Variants in CYP2S1 observed in about 807,000 individuals in gnomAD.
The protein encoded by CYP2S1 is cytochrome P450 2S1.
Under a neutral mutation model 43.5 loss-of-function variants are expected in CYP2S1, and 32 were observed. The ratio of observed to expected loss-of-function variants is 0.74; its 90% CI spans 0.56 to 0.99. CYP2S1 has a LOEUF of 0.99. CYP2S1 is among the 50% of genes least tolerant of loss of function. The pLI is 0.00. For missense variants in CYP2S1, 575 were observed against 673.9 expected, an observed-to-expected ratio of 0.85 and a Z score of 1.62; for synonymous variants, 283 against 302.9, an observed-to-expected ratio of 0.93 and a Z score of 0.68.
chr19:41,205,392 CTT>C (rs199626923), intron 7 of CYP2S1, among the ~76,000 whole-genome samples: 44 of 67,998 alleles, frequency 6.5e-4, no homozygotes, highest in African/African-American at 1.3e-3. Flanking sequence ...CTCTCTCTCT[CTT>C]TCTTTCTCTC....
Position 41,194,619 on chromosome 19 carries a change from G to A in CYP2S1, c.253G>A (p.Glu85Lys). 6.2e-7 allele frequency: 1 copy of A among 1,612,406 alleles called. No homozygotes were observed. Among genetic ancestry groups the A allele is most frequent in the Non-Finnish European group, 8.5e-7 (1 of 1,179,290 alleles). ...GCCTGTGGTGGTCCTGGTTGGGCAG[G>A]AGGCTGTGCGGGAGGCCCTGGGAGG... Reference protein sequence around the residue: ...WRPVVVLVGQEAVREALGGQA... With the variant: ...WRPVVVLVGQKAVREALGGQA... Residue 85 changes from glutamate (E) to lysine (K), a missense_variant, in exon 2 of 9, where the codon GAG (glutamate) becomes AAG (lysine). Glu to Lys is a moderately conservative substitution (Grantham distance 56). Coordinates refer to ENST00000310054, the MANE Select transcript of CYP2S1 (RefSeq NM_030622.8).
At position 41,198,406 on chromosome 19, in the gene CYP2S1, T is replaced by A; in HGVS notation, c.494-56T>A. ...TCTCTGGTTGGGTTCAGCTCCAACC[T>A]GCTCCCCTCTGCCTGGCTCCATCAC... On this transcript the variant is annotated intron_variant, in intron 3 of 8. Transcript: ENST00000310054. This position sits in a 1 kb window ranked among gnomAD's most constrained non-coding sequence, Gnocchi z 4.9. 6.3e-7 allele frequency: 1 copy of A among 1,598,292 alleles called. No homozygotes were observed. The highest frequency in any genetic ancestry group is 8.5e-7 in the Non-Finnish European group (1 of 1,172,856).
chr19:41,204,375 C>G (rs910860079), intron 7 of CYP2S1, among the ~76,000 whole-genome samples: 2 of 150,744 alleles, frequency 1.3e-5, no homozygotes, highest in Non-Finnish European at 3.0e-5. Flanking sequence ...ACCCTTAGCC[C>G]CTGCTGCAGA....
At chr19:41,194,765 G>A (rs1203753636) in intron 2 of CYP2S1, 56 bp downstream of exon 2, 3 of 1,571,674 alleles carry the variant, frequency 1.9e-6, no homozygotes, top group South Asian at 1.2e-5. Flanking sequence ...TTACTGGTGT[G>A]TGACCTTTGC....
chr19:41,197,758 T>C, intron 2 of CYP2S1, 21 bp from the exon 3 acceptor site: 1 of 1,612,284 alleles, frequency 6.2e-7, no homozygotes, highest in Non-Finnish European at 8.5e-7. Flanking sequence ...GGTCCCTTTT[T>C]GAGTCTAGCC....
rs1439183027 is a variant in CYP2S1, at chr19:41,198,514, C to T, written c.546C>T (p.Val182=). 4.3e-6 allele frequency: 7 copies of T among 1,614,192 alleles called. No homozygotes were observed. The highest frequency in any genetic ancestry group is 5.9e-6 in the Non-Finnish European group (7 of 1,180,022). ...TGGCCCAGGCCACCTCCAACGTAGT[C>T]TGCTCCCTCCTCTTTGGCCTCCGCT... ...LLLAQATSNV[V]CSLLFGLRFS... is the part of the protein sequence containing the mutation. The change falls in exon 4 of 9, where the codon GTC becomes GTT. Residue 182 remains valine, a synonymous_variant. Transcript: ENST00000310054. The surrounding 1 kb of genome is among the most constrained non-coding windows in gnomAD (Gnocchi z 4.9).
chr19:41,201,775 A>T (rs2033492780), intron 6 of CYP2S1, among the ~76,000 whole-genome samples: 1 of 151,574 alleles, frequency 6.6e-6, no homozygotes, highest in Admixed American at 6.6e-5. Context: ...TAGATCTTTG[A>T]GGCATCGATG....
In CYP2S1 at chr19:41,193,277, G is replaced by A. The variant is rs202041018; in HGVS notation, c.13G>A (p.Gly5Ser). 746 of 1,540,424 alleles carry A rather than the reference G, an allele frequency of 4.8e-4. 1 individual carries two copies. The highest frequency in any genetic ancestry group is 5.9e-4 in the Non-Finnish European group (679 of 1,145,802). The change falls in exon 1 of 9, where the codon GGC (glycine) becomes AGC (serine). Residue 5 changes from glycine to serine, a missense_variant. Gly to Ser is a moderately conservative substitution (Grantham distance 56). Coordinates refer to ENST00000310054, the MANE Select transcript of CYP2S1 (RefSeq NM_030622.8). MEAT[G>S]TWALLLALAL... ...CCGACCTGCCGAGATGGAGGCGACCGGCACCTGGGCGCTGCTGCTGGCGCT... is the reference window on the plus strand; with the variant it reads ...CCGACCTGCCGAGATGGAGGCGACCAGCACCTGGGCGCTGCTGCTGGCGCT...
At chr19:41,205,833 A>G in intron 7 of CYP2S1, 125 bp from the exon 8 acceptor site, 1 of 1,279,884 alleles carries the variant, frequency 7.8e-7, no homozygotes, top group Non-Finnish European at 1.1e-6. Flanking sequence ...AACACTCCAC[A>G]AATGTTGATG....
rs1379450343 is a variant in CYP2S1 at position 41,205,895 on chromosome 19, A to T, written c.1165-63A>T. ...CTGGCACCCGAGACTTGTACTCCAC[A>T]CTCGAGGACCAAATGGACTGGGGTG... On this transcript the variant is annotated intron_variant, in intron 7 of 8. Coordinates refer to ENST00000310054, the MANE Select transcript of CYP2S1 (RefSeq NM_030622.8). 1.3e-5 allele frequency: 20 copies of T among 1,571,830 alleles called. No individual in the cohort carries two copies. In the East Asian group the frequency reaches 4.5e-4, roughly 35 times the overall value.
Position 41,200,530 on chromosome 19 carries a change from G to A in CYP2S1, c.835-701G>A, listed in dbSNP as rs147152201. 6.5e-3 allele frequency among the ~76,000 whole-genome samples: 992 copies of A among 152,096 alleles called. 10 individuals are homozygous for A. The highest frequency in any genetic ancestry group is 0.022 in the African/African-American group (909 of 41,488). ...TGGGACTACAGGTGCCCGTCACCAC[G>A]CCTGGCTAATTTTTTGTATTTTTAG... On this transcript the variant is annotated intron_variant, in intron 5 of 8. Transcript: ENST00000310054.
Position 41,198,078 on chromosome 19 carries a change from C to A in CYP2S1, c.493+150C>A. 8.9e-7 allele frequency: 1 copy of A among 1,128,346 alleles called. No homozygotes were observed. The highest frequency in any genetic ancestry group is 1.2e-6 in the Non-Finnish European group (1 of 818,048). 69.9% of individuals were successfully genotyped at this position (1,128,346 alleles called of 1,614,324 possible). On this transcript the variant is annotated intron_variant, in intron 3 of 8. Transcript: ENST00000310054. This position sits in a 1 kb window ranked among gnomAD's most constrained non-coding sequence, Gnocchi z 4.9. ...GCTGGCCTGGGGGTTCTGTTCACTG[C>A]CACCTTCTGTCTCTGTCCCACTGTC...
At position 41,205,402 on chromosome 19, in the gene CYP2S1, CTCTT is replaced by C. The variant is rs1277671808; in HGVS notation, c.1165-540_1165-537del. On this transcript the variant is annotated intron_variant, in intron 7 of 8. Transcript: ENST00000310054. The stretch of plus-strand genomic sequence containing the variant: ...TCTTTCTCTCTCTCTCTTTCTTTCT[CTCTT>C]TCTTTCTTTCTTTCTCTCTCTCTCT... Among the ~76,000 whole-genome samples, 333 of 100,094 alleles carry C rather than the reference CTCTT, an allele frequency of 3.3e-3. 1 individual carries two copies. The highest frequency in any genetic ancestry group is 8.2e-3 in the Middle Eastern group (2 of 244). 65.7% of individuals were successfully genotyped at this position (100,094 alleles called of 152,430 possible). A position where few individuals can be genotyped will look rare whatever the true frequency, so the allele number is the denominator to read the frequency against.
intron 2 of CYP2S1, among the ~76,000 whole-genome samples, chr19:41,196,107 G>A (rs2033410223): frequency 1.3e-5 from 2 of 152,068 alleles, no homozygotes; most frequent in African/African-American, 2.4e-5. Context: ...GGGAATCAGG[G>A]AAGGCTTCTC....
Position 41,201,265 on chromosome 19 carries a change from A to G in CYP2S1, c.869A>G (p.Lys290Arg), listed in dbSNP as rs1308406920. 3 of 1,614,208 alleles carry G rather than the reference A, an allele frequency of 1.9e-6. No individual in the cohort carries two copies. In the Admixed American group the frequency reaches 5.0e-5, roughly 27 times the overall value. ...AACCCAGGCACAGAATTCACCAACA[A>G]GAACATGCTGATGACAGTCATTTAT... Reference protein sequence around the residue: ...EQNPGTEFTNKNMLMTVIYLL... With the variant: ...EQNPGTEFTNRNMLMTVIYLL... Residue 290 changes from lysine (K) to arginine (R), a missense_variant, in exon 6 of 9, where the codon AAG becomes AGG. By Grantham distance (26) the Lys-to-Arg change is conservative. This residue lies in a region of CYP2S1 where 222 missense variants were observed against 306.3 expected (regional missense o/e 0.72). Coordinates refer to ENST00000310054, the MANE Select transcript of CYP2S1 (RefSeq NM_030622.8).
At chr19:41,202,930 G>A (rs923940457) in intron 6 of CYP2S1, among the ~76,000 whole-genome samples, 5 of 151,988 alleles carry the variant, frequency 3.3e-5, no homozygotes, top group African/African-American at 1.2e-4. Context: ...GTGAAACCCT[G>A]TCTCTATTGA....
intron 7 of CYP2S1, among the ~76,000 whole-genome samples, chr19:41,205,380 T>TC (rs2033555905): frequency 7.8e-6 from 1 of 127,660 alleles, no homozygotes; most frequent in Non-Finnish European, 1.8e-5. Flanking sequence ...CTTTCTTTCT[T>TC]TCTCTCTCTC....
Position 41,198,354 on chromosome 19 carries a change from A to T in CYP2S1, c.494-108A>T. 1 of 1,428,526 alleles carries T rather than the reference A, an allele frequency of 7.0e-7. No homozygotes were observed. Among genetic ancestry groups the T allele is most frequent in the Non-Finnish European group, 9.6e-7 (1 of 1,043,068 alleles). 88.5% of individuals were successfully genotyped at this position (1,428,526 alleles called of 1,614,324 possible). ...GTTTAGCTCTCTCCCTGCGCTGTCC[A>T]TCCATCTTTCCCTGCCTCCCTGTCT... On this transcript the variant is annotated intron_variant, in intron 3 of 8. Transcript: ENST00000310054. This position sits in a 1 kb window ranked among gnomAD's most constrained non-coding sequence, Gnocchi z 4.9.
chr19:41,198,481 C>T lies in CYP2S1; in HGVS notation c.513C>T (p.Ser171=), dbSNP rs145030044. 169 of 1,614,148 alleles carry T rather than the reference C, an allele frequency of 1.0e-4. 2 individuals are homozygous for T. The African/African-American group carries it at 2.0e-3, about 19-fold the overall frequency. ...CCCCAGGACGCCCATTCGATCCCTCCCTGCTGCTGGCCCAGGCCACCTCCA... is the reference window on the plus strand; with the variant it reads ...CCCCAGGACGCCCATTCGATCCCTCTCTGCTGCTGGCCCAGGCCACCTCCA... ...QGTEGRPFDP[S]LLLAQATSNV... Residue 171 remains serine, a synonymous_variant, in exon 4 of 9, where the codon TCC becomes TCT. Coordinates refer to ENST00000310054, the MANE Select transcript of CYP2S1 (RefSeq NM_030622.8). The surrounding 1 kb of genome is among the most constrained non-coding windows in gnomAD (Gnocchi z 4.9).
Sources: gnomAD v4.1 joint callset for allele counts (sites outside exome capture counted in the v4.1 genomes callset) on GRCh38, gnomAD v4.1.1 for gene constraint, gnomAD v4.1.1 regional missense constraint, Gnocchi (gnomAD v3.1) non-coding constraint, MANE v1.5 for transcripts, NCBI Gene and HGNC (gene_info 2026-07-23, HGNC 2026-07-21) for gene names.